Variants in SMS observed in about 807,000 individuals in gnomAD.
The protein encoded by SMS is spermidine aminopropyltransferase.
SMS carries 3 observed loss-of-function variants against 33.0 expected under a neutral mutation model. The ratio of observed to expected loss-of-function variants is 0.09; its 90% CI spans 0.04 to 0.23. SMS has a LOEUF of 0.23. SMS is among the 10% of genes least tolerant of loss of function. The pLI, the probability that SMS is intolerant of heterozygous loss-of-function variation, is 1.00. For missense variants in SMS, 117 were observed against 288.6 expected, an observed-to-expected ratio of 0.41 and a Z score of 4.31; for synonymous variants, 103 against 112.2, an observed-to-expected ratio of 0.92 and a Z score of 0.52.
chrX:21,949,601 AT>A (rs902283175), intron 1 of SMS, among the ~76,000 whole-genome samples: 21 of 111,490 alleles, frequency 1.9e-4, no homozygotes, highest in Admixed American at 1.7e-3. Flanking sequence ...GCATGACTCC[AT>A]TTTTTTTCAT....
At chrX:21,985,266 T>A (rs372940105) in intron 9 of SMS, 43 bp downstream of exon 9, 7 of 814,654 alleles carry the variant, frequency 8.6e-6, no homozygotes, top group African/African-American at 8.0e-5. Flanking sequence ...GCTCTAAGAC[T>A]TTCCTGTTTT....
At chrX:21,958,154 C>T (rs1231220833) in intron 1 of SMS, among the ~76,000 whole-genome samples, 1 of 111,743 alleles carries the variant, frequency 8.9e-6, no homozygotes, top group Non-Finnish European at 1.9e-5. Context: ...GTTGCATTTG[C>T]TTTTGGGTTC....
chrX:21,970,577 A>T (rs893169380), intron 2 of SMS, among the ~76,000 whole-genome samples: 20 of 108,635 alleles, frequency 1.8e-4, no homozygotes, highest in African/African-American at 6.0e-4. Flanking sequence ...TTTATTTTAA[A>T]TTTTTTATAG....
chrX:21,959,637 G>T (rs1228723670), intron 1 of SMS, among the ~76,000 whole-genome samples: 2 of 112,786 alleles, frequency 1.8e-5, no homozygotes, highest in African/African-American at 6.4e-5. Flanking sequence ...ACATCTGAAC[G>T]TGGTTTTAAA....
intron 7 of SMS, among the ~76,000 whole-genome samples, chrX:21,982,546 G>A (rs1029203617): frequency 8.9e-6 from 1 of 112,037 alleles, no homozygotes; most frequent in Admixed American, 9.5e-5. Flanking sequence ...CTTCTAGCCG[G>A]TGTTTGAGCA....
rs911443789 is a variant in SMS at position 21,977,294 on chromosome X, G to T, written c.505+58G>T. On this transcript the variant is annotated intron_variant, in intron 5 of 10. Coordinates refer to ENST00000404933, the MANE Select transcript of SMS (RefSeq NM_004595.5). The stretch of plus-strand genomic sequence containing the variant: ...CAAAGTGGTGATGTGTTGAATGATG[G>T]TGTTTTCCTGACAATTACTACTGTC... The T allele has an allele frequency of 2.9e-6, 3 of 1,027,892 alleles. No individual in the cohort carries two copies. The African/African-American group carries it at 5.6e-5, about 19-fold the overall frequency. The allele number at this position is 1,027,892 out of a possible 1,213,427, so 84.7% of individuals were successfully genotyped here.
intron 2 of SMS, among the ~76,000 whole-genome samples, chrX:21,967,561 C>T (rs1381089732): frequency 1.8e-5 from 2 of 111,725 alleles, no homozygotes; most frequent in South Asian, 3.7e-4. Flanking sequence ...GTTTCCCAGA[C>T]AAGTTTTTTG....
chrX:21,985,377 G>A (rs1454227390), intron 9 of SMS, among the ~76,000 whole-genome samples, 154 bp downstream of exon 9: 3 of 112,178 alleles, frequency 2.7e-5, no homozygotes, highest in African/African-American at 6.5e-5. Flanking sequence ...TTGACCTGTT[G>A]TCTGTTGGGA....
At chrX:21,959,029 T>G (rs1923161242) in intron 1 of SMS, among the ~76,000 whole-genome samples, 1 of 112,684 alleles carries the variant, frequency 8.9e-6, no homozygotes, top group African/African-American at 3.2e-5. Flanking sequence ...TCGTTTCTAC[T>G]TTCTGGCTAT....
At position 21,992,964 on chromosome X, in the gene SMS, G is replaced by C. The variant is rs759346697; in HGVS notation, c.1061+252G>C. Among the ~76,000 whole-genome samples the C allele has an allele frequency of 3.6e-5, 4 of 111,733 alleles. No individual in the cohort carries two copies. The East Asian group carries it at 1.1e-3, about 31-fold the overall frequency. ...CTTTCCAGGTGCTTTTAATGATCAA[G>C]CACTACTGGTCTAAAGCATTGGTTC... On this transcript the variant is annotated intron_variant, in intron 10 of 10. Transcript: ENST00000404933.
chrX:21,975,879 C>G (rs1924502896), intron 4 of SMS, among the ~76,000 whole-genome samples: 1 of 110,388 alleles, frequency 9.1e-6, no homozygotes, highest in Admixed American at 9.7e-5. Context: ...GGGAAAGAGA[C>G]TCATAAGAGT....
chrX:21,966,894 T>C (rs1297233221), intron 1 of SMS, among the ~76,000 whole-genome samples: 1 of 110,727 alleles, frequency 9.0e-6, no homozygotes, highest in Admixed American at 9.6e-5. Flanking sequence ...AGGCTGAATA[T>C]GTCTACATCC....
At chrX:21,940,985 C>A in intron 1 of SMS, 112 bp downstream of exon 1, 2 of 244,677 alleles carry the variant, frequency 8.2e-6, no homozygotes, top group Non-Finnish European at 1.2e-5. Context: ...TGCGGGCGGC[C>A]CGCGCGGCGC....
At chrX:21,977,270 A>G (rs1253070958) in intron 5 of SMS, 34 bp downstream of exon 5, 12 of 1,111,539 alleles carry the variant, frequency 1.1e-5, no homozygotes, top group Non-Finnish European at 1.5e-5. Context: ...ATCACGTAAC[A>G]AAGTGGTGAT....
At chrX:21,951,447 T>C (rs1400365278) in intron 1 of SMS, among the ~76,000 whole-genome samples, 1 of 112,370 alleles carries the variant, frequency 8.9e-6, no homozygotes, top group Non-Finnish European at 1.9e-5. Context: ...TTGAATTAAA[T>C]CCCATTTGTC....
intron 1 of SMS, among the ~76,000 whole-genome samples, chrX:21,958,492 C>T (rs1569344129): frequency 8.9e-6 from 1 of 112,141 alleles, no homozygotes; most frequent in East Asian, 2.8e-4. Flanking sequence ...CTTTATCGAA[C>T]ATGTACAATT....
intron 10 of SMS, among the ~76,000 whole-genome samples, chrX:21,993,576 G>A (rs1489732246): frequency 8.9e-6 from 1 of 112,022 alleles, no homozygotes; most frequent in African/African-American, 3.2e-5. Flanking sequence ...CTGGGGCAGA[G>A]CCCGACGGGG....
intron 7 of SMS, among the ~76,000 whole-genome samples, chrX:21,982,544 C>T (rs992207171): frequency 7.2e-5 from 8 of 111,732 alleles, no homozygotes; most frequent in Non-Finnish European, 1.1e-4. Flanking sequence ...GGCTTCTAGC[C>T]GGTGTTTGAG....
At chrX:21,974,143 G>T (rs1167005204) in intron 4 of SMS, among the ~76,000 whole-genome samples, 2 of 112,458 alleles carry the variant, frequency 1.8e-5, no homozygotes, top group Admixed American at 1.9e-4. Context: ...GCACTTTCCA[G>T]AAGAAGGAAT....
Sources: gnomAD v4.1 joint callset for allele counts (sites outside exome capture counted in the v4.1 genomes callset) on GRCh38, gnomAD v4.1.1 for gene constraint, MANE v1.5 for transcripts, NCBI Gene and HGNC (gene_info 2026-07-23, HGNC 2026-07-21) for gene names.